Variants in LCP2 observed in about 807,000 individuals in gnomAD.
LCP2 encodes 76 kDa tyrosine phosphoprotein.
LCP2 carries 29 observed loss-of-function variants against 74.5 expected under a neutral mutation model. That is an observed-to-expected ratio of 0.39 (90% CI 0.29 to 0.53). LCP2 has a LOEUF of 0.53. Among genes scored for constraint, LCP2 ranks in the 20% least tolerant of loss-of-function variants. LCP2 has a pLI of 0.72. For missense variants in LCP2, 604 were observed against 634.6 expected, an observed-to-expected ratio of 0.95 and a Z score of 0.52; for synonymous variants, 228 against 229.5, an observed-to-expected ratio of 0.99 and a Z score of 0.06.
intron 3 of LCP2, 156 bp downstream of exon 3, chr5:170,287,814 C>G: frequency 1.4e-6 from 1 of 703,588 alleles, no homozygotes; most frequent in African/African-American, 1.8e-5. Flanking sequence ...CTTCATGTAA[C>G]TTCTGTTCCC....
intron 2 of LCP2, among the ~76,000 whole-genome samples, chr5:170,289,673 C>CTTTCTTTCTT (rs1443841574): frequency 7.7e-6 from 1 of 129,696 alleles, no homozygotes; most frequent in Non-Finnish European, 1.7e-5. Context: ...TTCTTTCTTT[C>CTTTCTTTCTT]TCTCTCTCTC....
At chr5:170,281,486 T>C (rs554543321) in intron 3 of LCP2, among the ~76,000 whole-genome samples, 5 of 152,308 alleles carry the variant, frequency 3.3e-5, no homozygotes, top group Admixed American at 1.3e-4. Context: ...TTCACTGTGT[T>C]AGCCAGGATG....
intron 1 of LCP2, among the ~76,000 whole-genome samples, chr5:170,295,899 C>G (rs950368265): frequency 6.6e-6 from 1 of 152,152 alleles, no homozygotes; most frequent in Non-Finnish European, 1.5e-5. Flanking sequence ...GAAAACTCTC[C>G]CTTCCCCCAG....
chr5:170,262,502 C>G lies in LCP2; in HGVS notation c.926+133G>C, dbSNP rs1028126822. ...CAACCTGTGAAGCCTGAACATCCCTCAAGCCACAGCAAGAAAAGGCCCACC... is the reference window on the plus strand; with the variant it reads ...CAACCTGTGAAGCCTGAACATCCCTGAAGCCACAGCAAGAAAAGGCCCACC... On this transcript the variant is annotated intron_variant, in intron 13 of 20. Coordinates refer to ENST00000046794, the MANE Select transcript of LCP2 (RefSeq NM_005565.5). The G allele has an allele frequency of 3.0e-5, 19 of 639,474 alleles. No homozygotes were observed. In the African/African-American group the frequency reaches 3.5e-4, roughly 12 times the overall value. 39.6% of individuals were successfully genotyped at this position (639,474 alleles called of 1,614,324 possible).
chr5:170,283,663 C>T (rs192347693), intron 3 of LCP2, among the ~76,000 whole-genome samples: 3 of 152,262 alleles, frequency 2.0e-5, no homozygotes, highest in East Asian at 3.9e-4. Context: ...GAATGGCTCA[C>T]GGGACCTTTA....
Position 170,246,801 on chromosome 5 carries a change from T to C in LCP2, c.*1896A>G, listed in dbSNP as rs1761308730. On this transcript the variant is annotated 3_prime_UTR_variant, in exon 21 of 21. Transcript: ENST00000046794. The stretch of plus-strand genomic sequence containing the variant: ...TGTGACTGATGCACCTGGGGTCATA[T>C]AGAAGGTCTGTGGCCAAAAGAGGCA... 6.6e-6 allele frequency: 1 copy of C among 152,208 alleles called. No individual in the cohort carries two copies. The highest frequency in any genetic ancestry group is 2.4e-5 in the African/African-American group (1 of 41,430). 9.4% of individuals were successfully genotyped at this position (152,208 alleles called of 1,614,324 possible).
chr5:170,261,284 A>G lies in LCP2; in HGVS notation c.927-147T>C, dbSNP rs371521183. 51 of 636,418 alleles carry G rather than the reference A, an allele frequency of 8.0e-5. No homozygotes were observed. In the South Asian group the frequency reaches 9.1e-4, roughly 11 times the overall value. The allele number at this position is 636,418 out of a possible 1,614,324, so 39.4% of individuals were successfully genotyped here. ...GGGAAGCAACAGACCCCCACAGAGC[A>G]GGGGAGAGGGGGTGGAAGGGAGATC... On this transcript the variant is annotated intron_variant, in intron 13 of 20. Transcript: ENST00000046794.
intron 19 of LCP2, 143 bp from the exon 20 acceptor site, chr5:170,251,028 A>C: frequency 1.6e-6 from 1 of 616,784 alleles, no homozygotes; most frequent in African/African-American, 1.8e-5. Flanking sequence ...CCTGTCATTC[A>C]ACGAACATTC....
At position 170,248,700 on chromosome 5, in the gene LCP2, TG is replaced by T; in HGVS notation, c.1598del (p.Pro533HisfsTer5). The stretch of plus-strand genomic sequence containing the variant: ...TCATTTGCTCGGCTATAACTTGCTA[TG>T]GGTACCCTGCAGCATGCGTTAATGT... ...QCTLTHAAGY[P>X] On this transcript the variant is annotated frameshift_variant, in exon 21 of 21. Coordinates refer to ENST00000046794, the MANE Select transcript of LCP2 (RefSeq NM_005565.5). LOFTEE classifies it high-confidence loss of function. The T allele has an allele frequency of 6.2e-7, 1 of 1,612,016 alleles. No homozygotes were observed.
At chr5:170,284,885 GA>G (rs1762157813) in intron 3 of LCP2, among the ~76,000 whole-genome samples, 2 of 151,962 alleles carry the variant, frequency 1.3e-5, no homozygotes, top group African/African-American at 4.8e-5. Flanking sequence ...TCAGTAGCTG[GA>G]ACTACAGTCG....
intron 1 of LCP2, among the ~76,000 whole-genome samples, chr5:170,295,112 T>C (rs1762351418): frequency 6.6e-6 from 1 of 152,196 alleles, no homozygotes; most frequent in Non-Finnish European, 1.5e-5. Context: ...GGACCCCACC[T>C]GGGATTAGGA....
At chr5:170,285,859 G>A (rs182623649) in intron 3 of LCP2, among the ~76,000 whole-genome samples, 9 of 152,188 alleles carry the variant, frequency 5.9e-5, no homozygotes, top group African/African-American at 9.6e-5. Flanking sequence ...TCTGACACCC[G>A]TTGAATGAAC....
chr5:170,296,458 G>A (rs1307892375), intron 1 of LCP2, among the ~76,000 whole-genome samples: 1 of 152,076 alleles, frequency 6.6e-6, no homozygotes, highest in Non-Finnish European at 1.5e-5. Flanking sequence ...AGGGAACCTC[G>A]TCTACCCTCT....
intron 14 of LCP2, among the ~76,000 whole-genome samples, chr5:170,260,606 CAG>C: frequency 6.6e-6 from 1 of 152,286 alleles, no homozygotes; most frequent in Admixed American, 6.5e-5. Context: ...GTTCTTGGGA[CAG>C]GGGACTTTTC....
At chr5:170,257,890 G>T in intron 16 of LCP2, 147 bp downstream of exon 16, 1 of 778,778 alleles carries the variant, frequency 1.3e-6, no homozygotes. Flanking sequence ...TTAATGCTCA[G>T]TTTGGTTTTA....
At chr5:170,292,415 A>G (rs1415829012) in intron 2 of LCP2, among the ~76,000 whole-genome samples, 1 of 152,090 alleles carries the variant, frequency 6.6e-6, no homozygotes, top group African/African-American at 2.4e-5. Flanking sequence ...GCAGAGATGT[A>G]ATATAAGAAA....
intron 2 of LCP2, among the ~76,000 whole-genome samples, chr5:170,290,119 C>G (rs1762265046): frequency 6.6e-6 from 1 of 152,148 alleles, no homozygotes; most frequent in African/African-American, 2.4e-5. Flanking sequence ...TGTGATGTAA[C>G]CCCCTCCTCC....
In LCP2 at chr5:170,248,314, A is replaced by G. The variant is rs117623382; in HGVS notation, c.*383T>C. On this transcript the variant is annotated 3_prime_UTR_variant, in exon 21 of 21. Transcript: ENST00000046794. ...GACAGAGGTTTGGCTGTAAAAAACA[A>G]ATCAGTTTTATGTGACACCAATAAC... 1.2e-3 allele frequency: 192 copies of G among 165,990 alleles called. 3 individuals carry two copies. In the East Asian group the frequency reaches 0.03, roughly 26 times the overall value. The allele number at this position is 165,990 out of a possible 1,614,324, so 10.3% of individuals were successfully genotyped here. A position where few individuals can be genotyped will look rare whatever the true frequency, so the allele number is the denominator to read the frequency against.
Position 170,246,288 on chromosome 5 carries a change from A to G in LCP2, c.*2409T>C. ...GAAGAATGGCTTAACTTACGTCACTAATGGCAAGTGTATGACATAGGAAAT... is the reference window on the plus strand; with the variant it reads ...GAAGAATGGCTTAACTTACGTCACTGATGGCAAGTGTATGACATAGGAAAT... On this transcript the variant is annotated 3_prime_UTR_variant, in exon 21 of 21. Coordinates refer to ENST00000046794, the MANE Select transcript of LCP2 (RefSeq NM_005565.5). The G allele has an allele frequency of 1.9e-6, 1 of 539,976 alleles. No homozygotes were observed. The highest frequency in any genetic ancestry group is 3.2e-6 in the Non-Finnish European group (1 of 317,424). The allele number at this position is 539,976 out of a possible 1,614,324, so 33.4% of individuals were successfully genotyped here.
Sources: gnomAD v4.1 joint callset for allele counts (sites outside exome capture counted in the v4.1 genomes callset) on GRCh38, gnomAD v4.1.1 for gene constraint, MANE v1.5 for transcripts, NCBI Gene and HGNC (gene_info 2026-07-23, HGNC 2026-07-21) for gene names.